The following OSBPL9 variants were observed in gnomAD, a reference collection of about 807,000 sequenced individuals.
The protein encoded by OSBPL9 is oxysterol-binding protein-related protein 9.
A neutral mutation model predicts 106.6 loss-of-function variants in OSBPL9; 40 were observed. The observed-to-expected ratio is 0.38, with a 90% CI of 0.29 to 0.49. The LOEUF (loss-of-function observed/expected upper bound fraction) is 0.49, where lower values mean the gene tolerates loss of function less well. OSBPL9 is among the 20% of genes least tolerant of loss of function. OSBPL9 has a pLI of 0.97. For missense variants in OSBPL9, 609 were observed against 887.2 expected (o/e 0.69, Z 3.98); for synonymous variants, 269 against 295.4 (o/e 0.91, Z 0.92).
intron 2 of OSBPL9, among the ~76,000 whole-genome samples, chr1:51,601,072 CTGTCATTAGCAG>C (rs1484022388): frequency 6.6e-6 from 1 of 152,158 alleles, no homozygotes; most frequent in Non-Finnish European, 1.5e-5. Flanking sequence ...AGCTGTAACA[CTGTCATTAGCAG>C]TGTAGGTAGG....
chr1:51,553,823 C>T, the OSBPL9 span, among the ~76,000 whole-genome samples: 1 of 152,150 alleles, frequency 6.6e-6, no homozygotes, highest in East Asian at 1.9e-4. Flanking sequence ...GGATTACAGG[C>T]ATCCGCCACC....
intron 3 of OSBPL9, among the ~76,000 whole-genome samples, chr1:51,700,116 A>T (rs144557579): frequency 6.6e-6 from 1 of 152,332 alleles, no homozygotes; most frequent in African/African-American, 2.4e-5. Context: ...TGTAAATGTC[A>T]CCATCACTCC....
intron 3 of OSBPL9, among the ~76,000 whole-genome samples, chr1:51,697,759 A>G (rs1178139096): frequency 6.6e-6 from 1 of 150,654 alleles, no homozygotes; most frequent in Non-Finnish European, 1.5e-5. Flanking sequence ...GATATGTAAT[A>G]AATGAGCAAA....
intron 3 of OSBPL9, among the ~76,000 whole-genome samples, chr1:51,683,388 C>T (rs528921230): frequency 1.2e-4 from 18 of 151,134 alleles, no homozygotes; most frequent in African/African-American, 3.9e-4. Flanking sequence ...CCTTGTTGGT[C>T]AGGCTGGTCT....
chr1:51,592,971 G>C (rs913729339), intron 1 of OSBPL9, among the ~76,000 whole-genome samples: 26 of 152,262 alleles, frequency 1.7e-4, no homozygotes, highest in African/African-American at 6.0e-4. Context: ...AGCCTCAAAG[G>C]GCTCATTACA....
intron 18 of OSBPL9, 63 bp downstream of exon 18, chr1:51,784,088 C>CT: frequency 6.8e-7 from 1 of 1,476,542 alleles, no homozygotes; most frequent in African/African-American, 1.4e-5. Flanking sequence ...AATGGCTAGA[C>CT]TAGATGTCAT....
the OSBPL9 span, among the ~76,000 whole-genome samples, chr1:51,528,038 C>G: frequency 2.6e-5 from 4 of 151,536 alleles, no homozygotes; most frequent in Non-Finnish European, 4.4e-5. Context: ...GCACGAGAAT[C>G]TCTTGAACCT....
intron 1 of OSBPL9, among the ~76,000 whole-genome samples, chr1:51,597,459 G>GTGTGTA (rs1553149035): frequency 7.5e-5 from 10 of 132,926 alleles, no homozygotes; most frequent in African/African-American, 2.4e-4. Flanking sequence ...GTGTGTGTGT[G>GTGTGTA]TATATACACA....
At chr1:51,546,760 C>T in the OSBPL9 span, among the ~76,000 whole-genome samples, 1,075 of 150,156 alleles carry the variant, frequency 7.2e-3, 8 homozygotes, top group African/African-American at 0.025. Flanking sequence ...GTTCAAAATA[C>T]GCAACACACA....
At chr1:51,767,649 A>G (rs965002043) in intron 12 of OSBPL9, among the ~76,000 whole-genome samples, 1 of 152,216 alleles carries the variant, frequency 6.6e-6, no homozygotes, top group African/African-American at 2.4e-5. Context: ...TATATAGTTA[A>G]GACGTGGAAG....
At chr1:51,554,898 A>T in the OSBPL9 span, among the ~76,000 whole-genome samples, 2 of 152,214 alleles carry the variant, frequency 1.3e-5, no homozygotes, top group African/African-American at 4.8e-5. Flanking sequence ...CCCTTGCTAA[A>T]TGCATATTCC....
At chr1:51,755,423 T>C (rs1054015704) in intron 8 of OSBPL9, among the ~76,000 whole-genome samples, 3 of 152,242 alleles carry the variant, frequency 2.0e-5, no homozygotes, top group African/African-American at 7.2e-5. Flanking sequence ...GACTTAATAA[T>C]GGTTTTACTT....
At position 51,772,620 on chromosome 1, in the gene OSBPL9, A is replaced by G; in HGVS notation, c.1067A>G (p.His356Arg). 1 of 1,613,980 alleles carries G rather than the reference A, an allele frequency of 6.2e-7. No homozygotes were observed. Among genetic ancestry groups the G allele is most frequent in the Non-Finnish European group, 8.5e-7 (1 of 1,179,800 alleles). ...GTSDADLFDS[H>R]DDRDDDAEAG... ...TTTATTTTAGACCTGTTTGATTCACATGATGACAGAGATGATGATGCGGAG... is the reference window on the plus strand; with the variant it reads ...TTTATTTTAGACCTGTTTGATTCACGTGATGACAGAGATGATGATGCGGAG... Residue 356 changes from histidine (H) to arginine (R), a missense_variant, in exon 14 of 24, where the codon CAT becomes CGT. This residue lies in a region of OSBPL9 where 356 missense variants were observed against 505.8 expected (regional missense o/e 0.70). Coordinates refer to ENST00000428468, the MANE Select transcript of OSBPL9 (RefSeq NM_024586.6).
the OSBPL9 span, among the ~76,000 whole-genome samples, chr1:51,569,078 C>T: frequency 4.6e-5 from 7 of 152,250 alleles, no homozygotes; most frequent in East Asian, 1.9e-4. Flanking sequence ...AAAACACACA[C>T]GTGCTTAAGT....
chr1:51,575,413 G>A (rs997845321), upstream of OSBPL9, among the ~76,000 whole-genome samples: 10 of 149,938 alleles, frequency 6.7e-5, no homozygotes. Flanking sequence ...GTTTCACCAT[G>A]TTGGTCGGTC....
Position 51,761,932 on chromosome 1 carries a change from A to G in OSBPL9, c.739A>G (p.Thr247Ala), listed in dbSNP as rs1671598676. 1 of 1,613,276 alleles carries G rather than the reference A, an allele frequency of 6.2e-7. No individual in the cohort carries two copies. The highest frequency in any genetic ancestry group is 1.3e-5 in the African/African-American group (1 of 74,904). The change falls in exon 11 of 24, where the codon ACC becomes GCC. Residue 247 changes from threonine to alanine, a missense_variant. Thr to Ala is a moderately conservative substitution (Grantham distance 58, BLOSUM62 0). Transcript: ENST00000428468. ...CCTACCAGTTGGACCTGTGTTGGCT[A>G]CCTTGGGACATCATCAGACTCCTAC... ...SSLPVGPVLATLGHHQTPTPN... is the reference protein window; with the variant it reads ...SSLPVGPVLAALGHHQTPTPN...
chr1:51,565,237 C>T, the OSBPL9 span, among the ~76,000 whole-genome samples: 1 of 152,182 alleles, frequency 6.6e-6, no homozygotes, highest in African/African-American at 2.4e-5. Flanking sequence ...GTGGGTGAGG[C>T]CCTTCCTGGC....
chr1:51,650,583 T>C (rs1646453446), intron 1 of OSBPL9, among the ~76,000 whole-genome samples: 1 of 152,226 alleles, frequency 6.6e-6, no homozygotes, highest in Non-Finnish European at 1.5e-5. Context: ...ACAAAAAGAA[T>C]ACTCTGTTTA....
At chr1:51,726,153 C>G (rs1305593233) in intron 4 of OSBPL9, among the ~76,000 whole-genome samples, 7 of 152,162 alleles carry the variant, frequency 4.6e-5, no homozygotes, top group Non-Finnish European at 8.8e-5. Flanking sequence ...CCCATGGGTG[C>G]TGGTTCCCAT....
Sources: allele counts gnomAD v4.1 joint callset (sites outside exome capture counted in the v4.1 genomes callset), GRCh38; gene constraint gnomAD v4.1.1; regional missense constraint gnomAD v4.1.1; transcripts MANE v1.5; gene names NCBI Gene and HGNC (gene_info 2026-07-23, HGNC 2026-07-21).